The following GTPBP4 variants were observed in gnomAD, a reference collection of about 807,000 sequenced individuals.
The protein encoded by GTPBP4 is GTP binding protein 4.
In GTPBP4, 15 loss-of-function variants were observed where a neutral mutation model predicts 81.7. That is an observed-to-expected ratio of 0.18 (90% CI 0.12 to 0.28). The LOEUF (loss-of-function observed/expected upper bound fraction) is 0.28, where lower values mean the gene tolerates loss of function less well. Ranked by LOEUF, GTPBP4 falls within the 10% of genes least tolerant of loss-of-function variation. The pLI is 1.00. For missense variants in GTPBP4, 847 were observed against 793.8 expected (o/e 1.07, Z -0.81); for synonymous variants, 272 against 274.6 (o/e 0.99, Z 0.09).
chr10:995,828 A>G (rs924004412), intron 2 of GTPBP4, 101 bp from the exon 3 acceptor site: 5 of 677,280 alleles, frequency 7.4e-6, no homozygotes, highest in Admixed American at 5.0e-5. Flanking sequence ...GGGAGGAGAC[A>G]CTGCAGGCGT....
At chr10:1,014,520 G>T (rs111375993) in intron 15 of GTPBP4, among the ~76,000 whole-genome samples, 1 of 152,104 alleles carries the variant, frequency 6.6e-6, no homozygotes. Flanking sequence ...TTAGCCGGGC[G>T]TGGTGGCGTG....
rs1447344680 is a variant in GTPBP4, at chr10:1,018,301, T to G, written c.*1074T>G. 6.6e-6 allele frequency: 1 copy of G among 151,752 alleles called. No individual in the cohort carries two copies. The highest frequency in any genetic ancestry group is 1.5e-5 in the Non-Finnish European group (1 of 68,030). The allele number at this position is 151,752 out of a possible 1,614,324, so 9.4% of individuals were successfully genotyped here. ...TTAGCCATGCGTGGTGGTGGGCATCTGTAATCCTAGCTGCTCGGGAGGCTA... is the reference window on the plus strand; with the variant it reads ...TTAGCCATGCGTGGTGGTGGGCATCGGTAATCCTAGCTGCTCGGGAGGCTA... On this transcript the variant is annotated 3_prime_UTR_variant, in exon 17 of 17. Transcript: ENST00000360803.
At chr10:997,532 GCTC>G (rs1831556181) in intron 5 of GTPBP4, among the ~76,000 whole-genome samples, 1 of 152,242 alleles carries the variant, frequency 6.6e-6, no homozygotes, top group Non-Finnish European at 1.5e-5. Context: ...AGCACGCCGA[GCTC>G]CTCTTGGTGA....
chr10:1,003,908 T>A (rs552916273), intron 8 of GTPBP4, among the ~76,000 whole-genome samples: 1 of 152,170 alleles, frequency 6.6e-6, no homozygotes, highest in Non-Finnish European at 1.5e-5. Context: ...ACTGGGGTCC[T>A]AGCCTTAGGG....
rs763595120 is a variant in GTPBP4 at position 1,014,241 on chromosome 10, T to C, written c.1543-6T>C. On this transcript the variant is annotated splice_polypyrimidine_tract_variant and splice_region_variant and intron_variant, in intron 14 of 16. Transcript: ENST00000360803. ...TAAAGCTAATATTTCTTTTTATCCT[T>C]CTCAGGTTCAGAGGACAGTTTTGGA... 2 of 1,571,464 alleles carry C rather than the reference T, an allele frequency of 1.3e-6. No individual in the cohort carries two copies. Among genetic ancestry groups the C allele is most frequent in the Non-Finnish European group, 1.8e-6 (2 of 1,141,384 alleles).
rs752933467 is a variant in GTPBP4 at position 996,199 on chromosome 10, A to C, written c.417A>C (p.Thr139=). Residue 139 remains threonine, a synonymous_variant, in exon 4 of 17, where the codon ACA becomes ACC. Transcript: ENST00000360803. ...LKRAALGRMC[T]VIKRQKQSLE... ...GTGCGGCCCTGGGACGGATGTGCAC[A>C]GTGATCAAGAGGCAGAAGCAGAGTT... The C allele has an allele frequency of 1.9e-6, 3 of 1,613,834 alleles. No homozygotes were observed. The South Asian group carries it at 3.3e-5, about 18-fold the overall frequency.
At position 988,498 on chromosome 10, in the gene GTPBP4, A is replaced by G; in HGVS notation, c.19A>G (p.Lys7Glu). 6.2e-7 allele frequency: 1 copy of G among 1,613,280 alleles called. No homozygotes were observed. Among genetic ancestry groups the G allele is most frequent in the Non-Finnish European group, 8.5e-7 (1 of 1,179,674 alleles). Residue 7 changes from lysine to glutamate, a missense_variant, in exon 1 of 17, where the codon AAG (lysine) becomes GAG (glutamate). Coordinates refer to ENST00000360803, the MANE Select transcript of GTPBP4 (RefSeq NM_012341.3). Reference sequence around the variant, plus strand: ...TGCCGGCATGGCACATTACAACTTCAAGAAAATTACGGTGGTGCCGTCCGC... The same window carrying G: ...TGCCGGCATGGCACATTACAACTTCGAGAAAATTACGGTGGTGCCGTCCGC... MAHYNFKKITVVPSAKD... is the reference protein window; with the variant it reads MAHYNFEKITVVPSAKD...
Position 1,012,533 on chromosome 10 carries a change from G to C in GTPBP4, c.1413G>C (p.Glu471Asp). 6.2e-7 allele frequency: 1 copy of C among 1,612,868 alleles called. No individual in the cohort carries two copies. The change falls in exon 14 of 17, where the codon GAG becomes GAC. Residue 471 changes from glutamate to aspartate, a missense_variant. By Grantham distance (45) the Glu-to-Asp change is conservative. This residue lies in a region of GTPBP4 where 600 missense variants were observed against 557.1 expected (regional missense o/e 1.08). Transcript: ENST00000360803. ...TAAGEYDSVS[E>D]SEDEEMLEIR... ...CTGGAGAGTATGACAGTGTATCTGAGAGTGAAGACGAAGAGATGCTGGAAA... is the reference window on the plus strand; with the variant it reads ...CTGGAGAGTATGACAGTGTATCTGACAGTGAAGACGAAGAGATGCTGGAAA...
rs985977890 is a variant in GTPBP4, at chr10:1,017,680, C to A, written c.*453C>A. The A allele has an allele frequency of 6.5e-6, 1 of 153,022 alleles. No homozygotes were observed. The highest frequency in any genetic ancestry group is 6.5e-5 in the Admixed American group (1 of 15,300). 9.5% of individuals were successfully genotyped at this position (153,022 alleles called of 1,614,324 possible). ...CAACTATTTTATCCAAAATAAACCT[C>A]CAGAAGAAAGTAGTTTTCATTTACT... On this transcript the variant is annotated 3_prime_UTR_variant, in exon 17 of 17. Transcript: ENST00000360803.
chr10:989,724 C>G (rs1344296619), intron 1 of GTPBP4, among the ~76,000 whole-genome samples: 1 of 152,114 alleles, frequency 6.6e-6, no homozygotes, highest in Non-Finnish European at 1.5e-5. Flanking sequence ...TGGCACATCT[C>G]TTGATCGATT....
At chr10:1,014,048 T>C (rs1283276122) in intron 14 of GTPBP4, among the ~76,000 whole-genome samples, 199 bp from the exon 15 acceptor site, 1 of 152,236 alleles carries the variant, frequency 6.6e-6, no homozygotes, top group African/African-American at 2.4e-5. Context: ...CCACAGCAAC[T>C]GCTCTGTTAA....
Position 1,012,590 on chromosome 10 carries a change from A to G in GTPBP4, c.1470A>G (p.Lys490=). 6.2e-7 allele frequency: 1 copy of G among 1,614,118 alleles called. No homozygotes were observed. Among genetic ancestry groups the G allele is most frequent in the Middle Eastern group, 1.6e-4 (1 of 6,062 alleles). Residue 490 remains lysine (K), a synonymous_variant, in exon 14 of 17, where the codon AAA becomes AAG. Transcript: ENST00000360803. ...AGCTGGCAAAGCAAATTCGAGAGAA[A>G]AAGAAGTTGAAAATTCTGGAGTCCA... ...IRQLAKQIRE[K]KKLKILESKE... is the part of the protein sequence containing the mutation.
At chr10:1,006,975 G>A (rs1185000545) in intron 9 of GTPBP4, 43 bp from the exon 10 acceptor site, 1 of 1,202,504 alleles carries the variant, frequency 8.3e-7, no homozygotes. Context: ...GGAGGCTGCT[G>A]GAGGATGCGT....
chr10:1,019,670 C>T lies in GTPBP4; in HGVS notation c.*2443C>T. ...CCCTCTCCAGCAGCTCCCACAGCTC[C>T]TCCTGGGACAGGTAGAGGATGCTTT... On this transcript the variant is annotated 3_prime_UTR_variant, in exon 17 of 17. Transcript: ENST00000360803. 3 of 1,614,064 alleles carry T rather than the reference C, an allele frequency of 1.9e-6. No homozygotes were observed. Among genetic ancestry groups the T allele is most frequent in the Non-Finnish European group, 8.5e-7 (1 of 1,180,020 alleles).
intron 11 of GTPBP4, 115 bp downstream of exon 11, chr10:1,009,150 G>A (rs546231002): frequency 5.2e-5 from 37 of 717,298 alleles, no homozygotes; most frequent in South Asian, 2.1e-4. Context: ...CACTGGCCCC[G>A]TCAGGCTGCG....
intron 10 of GTPBP4, chr10:1,008,092 T>A (rs1831780960): frequency 4.4e-6 from 2 of 455,774 alleles, no homozygotes; most frequent in Non-Finnish European, 8.8e-6. Flanking sequence ...TAGAAAGGCT[T>A]ACCATTCATT....
intron 10 of GTPBP4, among the ~76,000 whole-genome samples, chr10:1,007,542 C>G (rs555519566): frequency 3.7e-4 from 56 of 152,244 alleles, no homozygotes; most frequent in Admixed American, 1.8e-3. Flanking sequence ...CTTGACCAGC[C>G]TGGGCAACAT....
At chr10:990,034 G>A (rs1252416795) in intron 1 of GTPBP4, among the ~76,000 whole-genome samples, 1 of 152,160 alleles carries the variant, frequency 6.6e-6, no homozygotes, top group Non-Finnish European at 1.5e-5. Flanking sequence ...ACTGTGCCCA[G>A]CCAGATTGTA....
At position 1,009,454 on chromosome 10, in the gene GTPBP4, A is replaced by C. The variant is rs1831809944; in HGVS notation, c.1192-75A>C. On this transcript the variant is annotated intron_variant, in intron 11 of 16. Coordinates refer to ENST00000360803, the MANE Select transcript of GTPBP4 (RefSeq NM_012341.3). ...AGAGGATTGGAGAAAAGATTGTTTCAAGTGACAAGGGGCAGAGCATTTCTG... is the reference window on the plus strand; with the variant it reads ...AGAGGATTGGAGAAAAGATTGTTTCCAGTGACAAGGGGCAGAGCATTTCTG... The C allele has an allele frequency of 7.2e-6, 7 of 965,854 alleles. No homozygotes were observed. In the Admixed American group the frequency reaches 8.5e-5, roughly 12 times the overall value. 59.8% of individuals were successfully genotyped at this position (965,854 alleles called of 1,614,324 possible).
Sources: allele counts gnomAD v4.1 joint callset (sites outside exome capture counted in the v4.1 genomes callset), GRCh38; gene constraint gnomAD v4.1.1; regional missense constraint gnomAD v4.1.1; transcripts MANE v1.5; gene names NCBI Gene and HGNC (gene_info 2026-07-23, HGNC 2026-07-21).